Variants in PCDHGA9 observed in about 807,000 individuals in gnomAD.
PCDHGA9 encodes the protein protocadherin gamma-A9.
A neutral mutation model predicts 62.5 loss-of-function variants in PCDHGA9; 37 were observed. The ratio of observed to expected loss-of-function variants is 0.59; its 90% CI spans 0.46 to 0.78. The LOEUF (loss-of-function observed/expected upper bound fraction) is 0.78. PCDHGA9 is among the 30% of genes least tolerant of loss of function. The probability of loss-of-function intolerance (pLI) is 0.00; values close to 1 mark genes in which losing one functional copy is unlikely to be tolerated. For missense variants in PCDHGA9, 1,138 were observed against 1,166.2 expected, an observed-to-expected ratio of 0.98 and a Z score of 0.35; for synonymous variants, 459 against 484.6, an observed-to-expected ratio of 0.95 and a Z score of 0.69.
intron 1 of PCDHGA9, chr5:141,427,440 G>C (rs747459662): frequency 4.2e-6 from 2 of 477,366 alleles, no homozygotes; most frequent in African/African-American, 2.0e-5. Flanking sequence ...CCTCATAAAC[G>C]AAAGAGTTCC....
chr5:141,468,832 C>G (rs530307522), intron 1 of PCDHGA9, among the ~76,000 whole-genome samples: 1 of 152,164 alleles, frequency 6.6e-6, no homozygotes, highest in South Asian at 2.1e-4. Flanking sequence ...AGCCACTGCA[C>G]TCCAGCCTGG....
chr5:141,497,062 A>C (rs779414748), intron 2 of PCDHGA9, among the ~76,000 whole-genome samples: 6 of 152,024 alleles, frequency 3.9e-5, no homozygotes, highest in Non-Finnish European at 7.4e-5. Flanking sequence ...GGTGGCAGGC[A>C]CCTGTAATCC....
intron 1 of PCDHGA9, among the ~76,000 whole-genome samples, chr5:141,482,843 G>A (rs1005014887): frequency 7.1e-6 from 1 of 140,154 alleles, no homozygotes; most frequent in Non-Finnish European, 1.5e-5. Flanking sequence ...AGGCCAAGGT[G>A]GGCAGATCAC....
Position 141,403,259 on chromosome 5 carries a change from C to G in PCDHGA9, c.307C>G (p.Leu103Val). The G allele has an allele frequency of 6.2e-7, 1 of 1,613,866 alleles. No individual in the cohort carries two copies. Among genetic ancestry groups the G allele is most frequent in the South Asian group, 1.1e-5 (1 of 91,080 alleles). ...GCTCTGTGCTCAGAGCCCGCGGTGT[C>G]TGGTGAACTTTAAAGTCCTGGTTGA... is the stretch of plus-strand genomic sequence containing the variant. ...EELCAQSPRC[L>V]VNFKVLVEDR... The change falls in exon 1 of 4, where the codon CTG (leucine) becomes GTG (valine). Residue 103 changes from leucine to valine, a missense_variant. Transcript: ENST00000573521.
intron 3 of PCDHGA9, among the ~76,000 whole-genome samples, 153 bp from the exon 4 acceptor site, chr5:141,510,790 GAAGA>G (rs982513431): frequency 6.6e-5 from 10 of 152,264 alleles, no homozygotes; most frequent in African/African-American, 2.4e-4. Context: ...CAACTCTTGT[GAAGA>G]GAGACTACCT....
chr5:141,490,700 C>T lies in PCDHGA9; in HGVS notation c.2425-4107C>T. The T allele has an allele frequency of 6.2e-7, 1 of 1,614,152 alleles. No individual in the cohort carries two copies. Among genetic ancestry groups the T allele is most frequent in the Non-Finnish European group, 8.5e-7 (1 of 1,179,984 alleles). ...TCAGATCCAGACACTGGGGATAATG[C>T]CCGCCTCACCTACTCCATTGTAGGA... On this transcript the variant is annotated intron_variant, in intron 1 of 3. Transcript: ENST00000573521. This position sits in a 1 kb window ranked among gnomAD's most constrained non-coding sequence, Gnocchi z 5.4.
In PCDHGA9 at chr5:141,431,955, GA is replaced by G; in HGVS notation, c.2424+26582del. ...CCCTTTAAATTAGAAAAATCTTACG[GA>G]AATTACTATAGTTTAGTCACAGACA... On this transcript the variant is annotated intron_variant, in intron 1 of 3. Coordinates refer to ENST00000573521, the MANE Select transcript of PCDHGA9 (RefSeq NM_018921.3). The surrounding 1 kb of genome is among the most constrained non-coding windows in gnomAD (Gnocchi z 4.8). The G allele has an allele frequency of 6.2e-7, 1 of 1,614,142 alleles. No homozygotes were observed. Among genetic ancestry groups the G allele is most frequent in the Non-Finnish European group, 8.5e-7 (1 of 1,180,024 alleles).
intron 1 of PCDHGA9, among the ~76,000 whole-genome samples, chr5:141,472,497 G>A (rs1196427013): frequency 1.3e-5 from 2 of 151,958 alleles, no homozygotes; most frequent in Non-Finnish European, 2.9e-5. Context: ...ACGAGATCGT[G>A]CCACTGCACT....
In PCDHGA9 at chr5:141,403,054, A is replaced by G; in HGVS notation, c.102A>G (p.Ser34=). Residue 34 remains serine, a synonymous_variant, in exon 1 of 4, where the codon TCA becomes TCG. Transcript: ENST00000573521. ...WEARASQIRY[S]VPEETEKGYI... ...CCAGGGCCAGTCAGATTCGCTACTC[A>G]GTGCCTGAAGAGACAGAAAAGGGCT... The G allele has an allele frequency of 3.7e-6, 6 of 1,614,062 alleles. No individual in the cohort carries two copies. The highest frequency in any genetic ancestry group is 5.1e-6 in the Non-Finnish European group (6 of 1,179,908).
In PCDHGA9 at chr5:141,404,421, C is replaced by G. The variant is rs199749783; in HGVS notation, c.1469C>G (p.Ser490Cys). Residue 490 changes from serine to cysteine, a missense_variant, in exon 1 of 4, where the codon TCC becomes TGC. Physicochemically the swap from Ser to Cys is moderately radical, Grantham distance 112. Coordinates refer to ENST00000573521, the MANE Select transcript of PCDHGA9 (RefSeq NM_018921.3). Reference protein sequence around the residue: ...DSNENSRVIYSLAEDTIQGSP... With the variant: ...DSNENSRVIYCLAEDTIQGSP... ...AATGAGAATTCTAGAGTTATTTACT[C>G]CTTGGCAGAGGATACCATCCAAGGG... 462 of 1,613,692 alleles carry G rather than the reference C, an allele frequency of 2.9e-4. 1 individual carries two copies. The African/African-American group carries it at 5.5e-3, about 19-fold the overall frequency.
At chr5:141,441,279 C>T (rs3792898) in intron 1 of PCDHGA9, 17,193 of 152,116 alleles carry the variant, frequency 0.11, 1,155 homozygotes, top group African/African-American at 0.18. Context: ...CGGGAGAAAA[C>T]GAGGTCACAT....
intron 1 of PCDHGA9, chr5:141,423,436 C>A (rs2096740667): frequency 6.2e-7 from 1 of 1,613,782 alleles, no homozygotes; most frequent in Non-Finnish European, 8.5e-7. Context: ...GGCAGGTATG[C>A]CCACGTCACA....
intron 1 of PCDHGA9, among the ~76,000 whole-genome samples, chr5:141,463,810 A>G (rs1469182885): frequency 6.6e-6 from 1 of 152,178 alleles, no homozygotes; most frequent in Non-Finnish European, 1.5e-5. Context: ...AAAAGCTTTT[A>G]TCACACATTT....
At chr5:141,488,660 G>A (rs1274725688) in intron 1 of PCDHGA9, among the ~76,000 whole-genome samples, 1 of 152,148 alleles carries the variant, frequency 6.6e-6, no homozygotes, top group East Asian at 1.9e-4. Flanking sequence ...GGGAGGGTGG[G>A]GGAATACATG....
In PCDHGA9 at chr5:141,404,429, G is replaced by A. The variant is rs760246804; in HGVS notation, c.1477G>A (p.Glu493Lys). Residue 493 changes from glutamate to lysine, a missense_variant, in exon 1 of 4, where the codon GAG (glutamate) becomes AAG (lysine). Transcript: ENST00000573521. ...TTCTAGAGTTATTTACTCCTTGGCA[G>A]AGGATACCATCCAAGGGTCTCCTCT... ...ENSRVIYSLAEDTIQGSPLST... is the reference protein window; with the variant it reads ...ENSRVIYSLAKDTIQGSPLST... 6.2e-7 allele frequency: 1 copy of A among 1,613,682 alleles called. No homozygotes were observed. Among genetic ancestry groups the A allele is most frequent in the East Asian group, 2.2e-5 (1 of 44,886 alleles).
chr5:141,426,275 G>A (rs531044481), intron 1 of PCDHGA9: 2 of 164,168 alleles, frequency 1.2e-5, no homozygotes, highest in East Asian at 1.6e-4. Context: ...CTGCAGCAAC[G>A]CATGGGAAGG....
chr5:141,493,140 C>T lies in PCDHGA9; in HGVS notation c.2425-1667C>T, dbSNP rs2099746336. Among the ~76,000 whole-genome samples, 1 of 146,374 alleles carries T rather than the reference C, an allele frequency of 6.8e-6. No homozygotes were observed. Among genetic ancestry groups the T allele is most frequent in the African/African-American group, 2.5e-5 (1 of 40,746 alleles). ...GCTCCTAGGACTGTATTTTGAAACACCCCCAGGTGATTTTGATAGCTGATT... is the reference window on the plus strand; with the variant it reads ...GCTCCTAGGACTGTATTTTGAAACATCCCCAGGTGATTTTGATAGCTGATT... On this transcript the variant is annotated intron_variant, in intron 1 of 3. Transcript: ENST00000573521. This position sits in a 1 kb window ranked among gnomAD's most constrained non-coding sequence, Gnocchi z 4.3.
At chr5:141,450,008 T>C (rs78952430) in intron 1 of PCDHGA9, among the ~76,000 whole-genome samples, 2 of 37,390 alleles carry the variant, frequency 5.3e-5, no homozygotes, top group African/African-American at 6.8e-4. Flanking sequence ...CCATGTCTCT[T>C]TTTTTTTTTT....
intron 1 of PCDHGA9, chr5:141,413,001 G>A (rs2095597089): frequency 1.7e-6 from 1 of 592,790 alleles, no homozygotes; most frequent in Non-Finnish European, 2.8e-6. Flanking sequence ...CGGATTCTCA[G>A]GGCTTCAACT....
Sources: gnomAD v4.1 joint callset for allele counts (sites outside exome capture counted in the v4.1 genomes callset) on GRCh38, gnomAD v4.1.1 for gene constraint, Gnocchi (gnomAD v3.1) non-coding constraint, MANE v1.5 for transcripts, NCBI Gene and HGNC (gene_info 2026-07-23, HGNC 2026-07-21) for gene names.